Variants in USP36 observed in about 807,000 individuals in gnomAD.
USP36 encodes ubiquitin specific peptidase 36.
A neutral mutation model predicts 111.5 loss-of-function variants in USP36; 59 were observed. That is an observed-to-expected ratio of 0.53 (90% confidence interval 0.43 to 0.66). USP36 has a LOEUF of 0.66. Ranked by LOEUF, USP36 falls within the 30% of genes least tolerant of loss-of-function variation. The pLI, the probability that USP36 is intolerant of heterozygous loss-of-function variation, is 0.00. For missense variants in USP36, 1,488 were observed against 1,468.0 expected (o/e 1.01, Z -0.22); for synonymous variants, 628 against 581.0 (o/e 1.08, Z -1.16).
chr17:78,821,772 C>G (rs150677846), intron 7 of USP36, among the ~76,000 whole-genome samples, 165 bp downstream of exon 7: 83 of 152,154 alleles, frequency 5.5e-4, no homozygotes, highest in African/African-American at 1.8e-3. Context: ...CTCCAGTGGC[C>G]AGGCGGGCCA....
At chr17:78,829,111 A>T in intron 4 of USP36, 104 bp from the exon 5 acceptor site, 1 of 937,868 alleles carries the variant, frequency 1.1e-6, no homozygotes, top group Non-Finnish European at 1.6e-6. Flanking sequence ...ACAAGCAGGT[A>T]AGAGCAAACC....
intron 6 of USP36, among the ~76,000 whole-genome samples, chr17:78,822,650 C>A (rs2094357593): frequency 6.6e-6 from 1 of 152,234 alleles, no homozygotes; most frequent in Admixed American, 6.5e-5. Flanking sequence ...CTCTTCTCAC[C>A]CGGACCCGGG....
intron 8 of USP36, 117 bp from the exon 9 acceptor site, chr17:78,820,129 G>A (rs2094284116): frequency 1.3e-5 from 14 of 1,081,422 alleles, no homozygotes; most frequent in African/African-American, 8.0e-5. Flanking sequence ...ACTTAGACTC[G>A]CATAAAAATT....
At chr17:78,817,927 T>C (rs1224599935) in intron 10 of USP36, among the ~76,000 whole-genome samples, 2 of 151,676 alleles carry the variant, frequency 1.3e-5, no homozygotes, top group East Asian at 3.9e-4. Flanking sequence ...CAAAAAACTT[T>C]TTAAAAAATT....
At position 78,806,954 on chromosome 17, in the gene USP36, C is replaced by T; in HGVS notation, c.2085+5G>A. ...ACAGCAGCGGCGAGACCCCCACACA[C>T]CCACCTTCTTGGCAGAAAGGGCCAG... On this transcript the variant is annotated splice_donor_5th_base_variant and intron_variant, in intron 14 of 20. Transcript: ENST00000449938. 1 of 1,613,608 alleles carries T rather than the reference C, an allele frequency of 6.2e-7. No individual in the cohort carries two copies. The highest frequency in any genetic ancestry group is 8.5e-7 in the Non-Finnish European group (1 of 1,179,580).
intron 10 of USP36, among the ~76,000 whole-genome samples, chr17:78,816,247 A>G (rs917797604): frequency 6.6e-6 from 1 of 151,678 alleles, no homozygotes; most frequent in Non-Finnish European, 1.5e-5. Flanking sequence ...GTAACTTCAA[A>G]CTCCTGGACT....
At chr17:78,811,130 C>CAAAAAAAAAAAAAAAAAA (rs969048033) in intron 13 of USP36, among the ~76,000 whole-genome samples, 2 of 28,348 alleles carry the variant, frequency 7.1e-5, no homozygotes, top group Non-Finnish European at 1.5e-4. Flanking sequence ...GACTCTGTCT[C>CAAAAAAAAAAAAAAAAAA]AAAAAAAAAA....
At chr17:78,820,487 AAGCAAAGAAATGAC>A (rs1261501069) in intron 8 of USP36, among the ~76,000 whole-genome samples, 1 of 152,162 alleles carries the variant, frequency 6.6e-6, no homozygotes, top group Non-Finnish European at 1.5e-5. Context: ...AAAAAAAGCA[AAGCAAAGAAATGAC>A]AGCTGCAGGT....
At chr17:78,793,206 T>C (rs1309990152), downstream of USP36, among the ~76,000 whole-genome samples, 2 of 152,066 alleles carry the variant, frequency 1.3e-5, no homozygotes, top group Non-Finnish European at 2.9e-5. Flanking sequence ...TTTCCCCATG[T>C]TGTTTAATTT....
chr17:78,821,287 C>A, intron 7 of USP36: 1 of 460,558 alleles, frequency 2.2e-6, no homozygotes, highest in Non-Finnish European at 4.0e-6. Context: ...GCCCTCCCTG[C>A]CTGGACTGCT....
At chr17:78,790,615 G>C (rs2093575604) in intron 3 of USP36, among the ~76,000 whole-genome samples, 1 of 151,932 alleles carries the variant, frequency 6.6e-6, no homozygotes, top group Non-Finnish European at 1.5e-5. Flanking sequence ...TCGACATCTT[G>C]GGCTCAAGCA....
chr17:78,802,625 T>C, intron 16 of USP36, 90 bp from the exon 17 acceptor site: 1 of 1,317,276 alleles, frequency 7.6e-7, no homozygotes, highest in South Asian at 1.4e-5. Context: ...ATGGAGAAGG[T>C]GCCACCCCAG....
chr17:78,838,901 G>A (rs1440436162), intron 1 of USP36, 151 bp from the exon 2 acceptor site: 1 of 152,114 alleles, frequency 6.6e-6, no homozygotes, highest in East Asian at 1.9e-4. Flanking sequence ...GATGAGGCGG[G>A]TGGACCGTAC....
chr17:78,809,416 C>T (rs1056150544), intron 13 of USP36, among the ~76,000 whole-genome samples: 4 of 152,166 alleles, frequency 2.6e-5, no homozygotes, highest in African/African-American at 9.7e-5. Context: ...ACTGGCTGAA[C>T]ATTTCCATAC....
rs142518712 is a variant in USP36 at position 78,803,001 on chromosome 17, C to A, written c.2810+384G>T. On this transcript the variant is annotated intron_variant, in intron 16 of 20. Transcript: ENST00000449938. The surrounding 1 kb of genome is among the most constrained non-coding windows in gnomAD (Gnocchi z 4.6). ...TCACCCAGGCTGTAGTGCAGTGACG[C>A]GATCTCAGCTCACTGCAACCTCCAC... Among the ~76,000 whole-genome samples the A allele has an allele frequency of 1.7e-3, 255 of 152,096 alleles. 1 individual carries two copies. The highest frequency in any genetic ancestry group is 5.6e-3 in the African/African-American group (231 of 41,450).
At position 78,798,479 on chromosome 17, in the gene USP36, G is replaced by GTC. The variant is rs2093667010; in HGVS notation, c.3311_3312dup (p.Arg1105AspfsTer7). On this transcript the variant is annotated frameshift_variant, in exon 20 of 21. Coordinates refer to ENST00000449938, the MANE Select transcript of USP36 (RefSeq NM_001385174.1). LOFTEE classifies it high-confidence loss of function. This position sits in a 1 kb window ranked among gnomAD's most constrained non-coding sequence, Gnocchi z 5.1. Reference sequence around the variant, plus strand: ...GGGTGAGTCACAGACCAGAAGTTCCGTCGAGTCTGAAGTTTCTGGAAGGCG... The same window carrying GTC: ...GGGTGAGTCACAGACCAGAAGTTCCGTCTCGAGTCTGAAGTTTCTGGAAGGCG... The GTC allele has an allele frequency of 1.9e-6, 3 of 1,614,064 alleles. No individual in the cohort carries two copies.
chr17:78,792,900 G>A (rs1435859410), downstream of USP36, among the ~76,000 whole-genome samples: 3 of 152,122 alleles, frequency 2.0e-5, no homozygotes, highest in Non-Finnish European at 4.4e-5. Flanking sequence ...ATTTTTAGTA[G>A]AGACAGGGTT....
At position 78,807,899 on chromosome 17, in the gene USP36, T is replaced by G. The variant is rs570396823; in HGVS notation, c.1408-263A>C. On this transcript the variant is annotated intron_variant, in intron 13 of 20. Transcript: ENST00000449938. ...CTGTATTTTTGACAGAGATGGGGTTTCACCATGTTGGCCAGGCTGGTCTCA... is the reference window on the plus strand; with the variant it reads ...CTGTATTTTTGACAGAGATGGGGTTGCACCATGTTGGCCAGGCTGGTCTCA... Among the ~76,000 whole-genome samples, 9 of 152,344 alleles carry G rather than the reference T, an allele frequency of 5.9e-5. No individual in the cohort carries two copies. The East Asian group carries it at 1.7e-3, about 29-fold the overall frequency.
At chr17:78,804,459 C>CA (rs1178119637) in intron 15 of USP36, among the ~76,000 whole-genome samples, 2,173 of 58,282 alleles carry the variant, frequency 0.037, 24 homozygotes, top group East Asian at 0.055. Flanking sequence ...GACTCCGTCT[C>CA]AAAAAAAAAA....
Sources: allele counts gnomAD v4.1 joint callset (sites outside exome capture counted in the v4.1 genomes callset), GRCh38; gene constraint gnomAD v4.1.1; non-coding constraint Gnocchi (gnomAD v3.1); transcripts MANE v1.5; gene names NCBI Gene and HGNC (gene_info 2026-07-23, HGNC 2026-07-21).